The following SEMA3E variants were observed in gnomAD, a reference collection of about 807,000 sequenced individuals.
SEMA3E encodes semaphorin-3E.
Under a neutral mutation model 93.6 loss-of-function variants are expected in SEMA3E, and 49 were observed. The ratio of observed to expected loss-of-function variants is 0.52; its 90% CI spans 0.42 to 0.66. SEMA3E has a LOEUF of 0.66. SEMA3E is among the 30% of genes least tolerant of loss of function. The pLI, the probability that SEMA3E is intolerant of heterozygous loss-of-function variation, is 0.00. For synonymous variants in SEMA3E, 363 were observed against 330.7 expected (o/e 1.10, Z -1.06); for missense variants, 906 against 964.8 (o/e 0.94, Z 0.81).
At chr7:83,552,902 T>C (rs1274740789) in intron 1 of SEMA3E, among the ~76,000 whole-genome samples, 1 of 151,048 alleles carries the variant, frequency 6.6e-6, no homozygotes, top group East Asian at 1.9e-4. Context: ...CCCTTTGCCT[T>C]GTGATCTTTG....
chr7:83,374,487 GT>G (rs113681147), intron 16 of SEMA3E, among the ~76,000 whole-genome samples: 1,939 of 152,210 alleles, frequency 0.013, 49 homozygotes, highest in African/African-American at 0.042. Flanking sequence ...AGAGATGACT[GT>G]CAAAGATGTG....
At position 83,400,309 on chromosome 7, in the gene SEMA3E, A is replaced by C. The variant is rs868189110; in HGVS notation, c.1144-59T>G. The C allele has an allele frequency of 5.3e-6, 8 of 1,502,902 alleles. No individual in the cohort carries two copies. The Middle Eastern group carries it at 6.8e-4, about 129-fold the overall frequency. The allele number at this position is 1,502,902 out of a possible 1,614,324, so 93.1% of individuals were successfully genotyped here. On this transcript the variant is annotated intron_variant, in intron 10 of 16. Transcript: ENST00000643230. The stretch of plus-strand genomic sequence containing the variant: ...CTTTACACCCAAAGAGAAAATTTAT[A>C]ATCAATTATGAGAAGAATCAGAAAA...
intron 3 of SEMA3E, among the ~76,000 whole-genome samples, chr7:83,468,515 G>A (rs191479690): frequency 3.9e-5 from 6 of 152,236 alleles, no homozygotes; most frequent in African/African-American, 1.4e-4. Context: ...TACAGAGAAT[G>A]AGGAGTTGGT....
chr7:83,431,600 T>A (rs2115746296), intron 4 of SEMA3E, among the ~76,000 whole-genome samples: 1 of 152,164 alleles, frequency 6.6e-6, no homozygotes, highest in Admixed American at 6.5e-5. Flanking sequence ...GACGAGATTT[T>A]GCCATGTTGG....
intron 2 of SEMA3E, among the ~76,000 whole-genome samples, chr7:83,487,766 A>G (rs1263326405): frequency 1.3e-5 from 2 of 151,544 alleles, no homozygotes; most frequent in Non-Finnish European, 2.9e-5. Flanking sequence ...CAATTAGTAT[A>G]CATATGTTTG....
intron 14 of SEMA3E, among the ~76,000 whole-genome samples, chr7:83,389,024 T>C (rs949415432): frequency 2.0e-5 from 3 of 151,974 alleles, no homozygotes; most frequent in Non-Finnish European, 4.4e-5. Context: ...TTTTTTTTAA[T>C]GTAGAGATTG....
chr7:83,619,733 T>C (rs1055991948), intron 1 of SEMA3E, among the ~76,000 whole-genome samples: 1 of 151,740 alleles, frequency 6.6e-6, no homozygotes, highest in Non-Finnish European at 1.5e-5. Flanking sequence ...TGTCCTTCCC[T>C]CACTACATAT....
chr7:83,646,723 A>AGTATTATGCATAACATTTACTT (rs1341873553), intron 1 of SEMA3E, among the ~76,000 whole-genome samples: 3 of 152,116 alleles, frequency 2.0e-5, no homozygotes, highest in African/African-American at 7.2e-5. Flanking sequence ...ACTCGATAAT[A>AGTATTATGCATAACATTTACTT]GTATTATGCA....
intron 1 of SEMA3E, among the ~76,000 whole-genome samples, chr7:83,604,960 G>A (rs944170348): frequency 6.6e-6 from 1 of 152,158 alleles, no homozygotes; most frequent in Non-Finnish European, 1.5e-5. Context: ...AAAAGGACAT[G>A]ATCTCATTCT....
rs186974190 is a variant in SEMA3E, at chr7:83,490,095, C to G, written c.276+19G>C. Reference sequence around the variant, plus strand: ...CCCCTTTTCTATCTCTACTGAAATGCAGTTTGATATTTCTATACCTCTTTA... The same window carrying G: ...CCCCTTTTCTATCTCTACTGAAATGGAGTTTGATATTTCTATACCTCTTTA... On this transcript the variant is annotated intron_variant, in intron 2 of 16. Transcript: ENST00000643230. 13 of 1,609,904 alleles carry G rather than the reference C, an allele frequency of 8.1e-6. No homozygotes were observed. The highest frequency in any genetic ancestry group is 1.1e-5 in the Non-Finnish European group (13 of 1,177,410).
chr7:83,508,474 C>T (rs1790749055), intron 1 of SEMA3E, among the ~76,000 whole-genome samples: 1 of 152,010 alleles, frequency 6.6e-6, no homozygotes, highest in Non-Finnish European at 1.5e-5. Context: ...GTTGGTCAGG[C>T]TGGTCTCGAA....
intron 1 of SEMA3E, among the ~76,000 whole-genome samples, chr7:83,554,616 C>G (rs1791843906): frequency 6.6e-6 from 1 of 152,020 alleles, no homozygotes; most frequent in Non-Finnish European, 1.5e-5. Flanking sequence ...AAGAAAAAGT[C>G]TCCTTTGAAT....
chr7:83,449,413 G>A (rs190675191), intron 4 of SEMA3E, among the ~76,000 whole-genome samples: 8 of 150,816 alleles, frequency 5.3e-5, no homozygotes, highest in Admixed American at 5.3e-4. Flanking sequence ...TTTTTATTTT[G>A]GATTTTAAAA....
intron 1 of SEMA3E, among the ~76,000 whole-genome samples, chr7:83,497,666 A>G (rs990076770): frequency 6.6e-6 from 1 of 152,236 alleles, no homozygotes; most frequent in Non-Finnish European, 1.5e-5. Flanking sequence ...GAAATAAGCA[A>G]TTAACTTTTT....
chr7:83,473,740 C>T (rs1326256723), intron 2 of SEMA3E, among the ~76,000 whole-genome samples: 4 of 152,102 alleles, frequency 2.6e-5, no homozygotes, highest in Non-Finnish European at 1.5e-5. Context: ...CGAATGATTC[C>T]TATAGGTATT....
At chr7:83,503,999 T>C (rs1460948275) in intron 1 of SEMA3E, among the ~76,000 whole-genome samples, 1 of 152,160 alleles carries the variant, frequency 6.6e-6, no homozygotes, top group Non-Finnish European at 1.5e-5. Flanking sequence ...GTCTTATCTT[T>C]ATAAAAATAA....
At chr7:83,504,931 G>A (rs62477015) in intron 1 of SEMA3E, among the ~76,000 whole-genome samples, 15,028 of 151,900 alleles carry the variant, frequency 0.099, 911 homozygotes, top group East Asian at 0.16. Context: ...GAAGCTCACC[G>A]AGAAAGTTAA....
At chr7:83,641,231 A>G (rs1794003415) in intron 1 of SEMA3E, 1 of 230,180 alleles carries the variant, frequency 4.3e-6, no homozygotes, top group African/African-American at 2.3e-5. Flanking sequence ...TTTGAAAAAC[A>G]CAGTTCTAAA....
At chr7:83,434,623 C>T (rs1465234752) in intron 4 of SEMA3E, among the ~76,000 whole-genome samples, 3 of 151,608 alleles carry the variant, frequency 2.0e-5, no homozygotes, top group Non-Finnish European at 4.4e-5. Context: ...TACTTTTGTT[C>T]TTCCTGATGC....
Sources: gnomAD v4.1 joint callset for allele counts (sites outside exome capture counted in the v4.1 genomes callset) on GRCh38, gnomAD v4.1.1 for gene constraint, MANE v1.5 for transcripts, NCBI Gene and HGNC (gene_info 2026-07-23, HGNC 2026-07-21) for gene names.